SLC38A6: variants seen among roughly 807,000 people sequenced by gnomAD.
SLC38A6 encodes solute carrier family 38 member 6, also known as N system amino acid transporter NAT-1.
In SLC38A6, 73 loss-of-function variants were observed where a neutral mutation model predicts 65.0. The ratio of observed to expected loss-of-function variants is 1.12; its 90% CI spans 0.93 to 1.37. The LOEUF (loss-of-function observed/expected upper bound fraction) is 1.37, where lower values mean the gene tolerates loss of function less well. SLC38A6 is among the 40% of genes most tolerant of loss of function. The pLI, the probability that SLC38A6 is intolerant of heterozygous loss-of-function variation, is 0.00. For synonymous variants in SLC38A6, 183 were observed against 178.8 expected (o/e 1.02, Z -0.19); for missense variants, 561 against 531.1 (o/e 1.06, Z -0.55).
chr14:60,982,028 G>T (rs768546658), intron 1 of SLC38A6, among the ~76,000 whole-genome samples: 11 of 152,188 alleles, frequency 7.2e-5, no homozygotes, highest in Non-Finnish European at 1.6e-4. Flanking sequence ...GTCATTGCAA[G>T]ATATTCCTGA....
At chr14:61,050,701 T>C in intron 13 of SLC38A6, 65 bp downstream of exon 13, 1 of 1,320,188 alleles carries the variant, frequency 7.6e-7, no homozygotes, top group Non-Finnish European at 9.9e-7. Flanking sequence ...ACACTAATTC[T>C]TTGCAGAATA....
At chr14:61,054,922 A>G (rs1038751464), downstream of SLC38A6, among the ~76,000 whole-genome samples, 5 of 152,076 alleles carry the variant, frequency 3.3e-5, no homozygotes, top group Non-Finnish European at 5.9e-5. Flanking sequence ...GAGAGAGGGT[A>G]TCCTCGTCTT....
At chr14:61,016,863 CTAAT>C (rs2040043479) in intron 4 of SLC38A6, among the ~76,000 whole-genome samples, 1 of 152,006 alleles carries the variant, frequency 6.6e-6, no homozygotes, top group African/African-American at 2.4e-5. Context: ...CTAAATTGAC[CTAAT>C]TAATATTTGC....
chr14:61,071,559 A>G (rs2043226398), intron 15 of SLC38A6, among the ~76,000 whole-genome samples: 1 of 151,902 alleles, frequency 6.6e-6, no homozygotes, highest in Admixed American at 6.6e-5. Context: ...GCGTGTGGCC[A>G]TAGTCCGAGC....
intron 6 of SLC38A6, among the ~76,000 whole-genome samples, chr14:61,031,517 A>G (rs148653619): frequency 6.6e-6 from 1 of 152,246 alleles, no homozygotes; most frequent in Non-Finnish European, 1.5e-5. Flanking sequence ...AAAAAAAGAC[A>G]AGTAGAAGTC....
chr14:61,005,440 C>T (rs1212344403), intron 3 of SLC38A6, among the ~76,000 whole-genome samples: 2 of 144,544 alleles, frequency 1.4e-5, no homozygotes, highest in Admixed American at 1.4e-4. Context: ...ACCCCATTGT[C>T]TCAGCCCAAA....
chr14:61,018,702 T>G (rs1197512617), intron 4 of SLC38A6, among the ~76,000 whole-genome samples: 1 of 152,194 alleles, frequency 6.6e-6, no homozygotes, highest in East Asian at 1.9e-4. Context: ...CCCAGGAATC[T>G]CATCAAAGAT....
rs1355232419 is a variant in SLC38A6, at chr14:60,981,393, T to C, written c.105+11T>C. 2 of 1,580,846 alleles carry C rather than the reference T, an allele frequency of 1.3e-6. No individual in the cohort carries two copies. Among genetic ancestry groups the C allele is most frequent in the Admixed American group, 1.8e-5 (1 of 54,614 alleles). ...CCGTTGCTAAGCAACGTAAGTGGGC[T>C]GTGTTCGCTTCCCCGCGCTGACGCC... On this transcript the variant is annotated intron_variant, in intron 1 of 15. Transcript: ENST00000267488.
rs906980651 is a variant in SLC38A6 at position 61,011,825 on chromosome 14, A to T, written c.311-4079A>T. Among the ~76,000 whole-genome samples, 188 of 152,126 alleles carry T rather than the reference A, an allele frequency of 1.2e-3. 6 individuals carry two copies. Among genetic ancestry groups the T allele is most frequent in the Non-Finnish European group, 2.9e-4 (20 of 68,044 alleles). ...ATTTTTGCATCGATGTTCATCAGGG[A>T]TATTGGTCTAAAATTCTCTTTTTTT... On this transcript the variant is annotated intron_variant, in intron 3 of 15. Coordinates refer to ENST00000267488, the MANE Select transcript of SLC38A6 (RefSeq NM_153811.3).
At chr14:61,082,984 C>A (rs77502493) in intron 16 of SLC38A6, among the ~76,000 whole-genome samples, 1 of 152,336 alleles carries the variant, frequency 6.6e-6, no homozygotes, top group East Asian at 1.9e-4. Flanking sequence ...ATTGAAAAAA[C>A]CAGGCAATCA....
chr14:61,050,745 T>C (rs2042462032), intron 13 of SLC38A6, 109 bp downstream of exon 13: 1 of 1,025,380 alleles, frequency 9.8e-7, no homozygotes, highest in South Asian at 3.9e-5. Context: ...TTGTATATCT[T>C]ATTCACTTGT....
intron 15 of SLC38A6, among the ~76,000 whole-genome samples, chr14:61,078,409 T>G (rs2043505675): frequency 6.6e-6 from 1 of 152,100 alleles, no homozygotes; most frequent in Admixed American, 6.6e-5. Flanking sequence ...AAGTAAAAAT[T>G]TTGCCAGGAG....
At chr14:61,038,312 G>A (rs1047097570) in intron 8 of SLC38A6, among the ~76,000 whole-genome samples, 1 of 151,728 alleles carries the variant, frequency 6.6e-6, no homozygotes, top group Non-Finnish European at 1.5e-5. Flanking sequence ...ATAAAGATAA[G>A]AATTTAAATT....
intron 5 of SLC38A6, 117 bp from the exon 6 acceptor site, chr14:61,030,328 G>A (rs1488572858): frequency 3.4e-6 from 2 of 583,290 alleles, no homozygotes; most frequent in Admixed American, 3.1e-5. Flanking sequence ...TGTGTTATAT[G>A]TTAATCTTCC....
chr14:60,984,045 A>G (rs568773414), intron 2 of SLC38A6, among the ~76,000 whole-genome samples: 1 of 152,316 alleles, frequency 6.6e-6, no homozygotes, highest in East Asian at 1.9e-4. Context: ...GGATAGCTGT[A>G]TAGAAGCTTG....
intron 15 of SLC38A6, among the ~76,000 whole-genome samples, chr14:61,075,888 T>G (rs529494505): frequency 1.2e-4 from 18 of 151,684 alleles, no homozygotes; most frequent in Non-Finnish European, 1.2e-4. Flanking sequence ...GGAGTTTCAC[T>G]TTTTTTGCCC....
intron 15 of SLC38A6, among the ~76,000 whole-genome samples, chr14:61,065,939 A>C (rs2043005280): frequency 6.6e-6 from 1 of 152,166 alleles, no homozygotes; most frequent in Non-Finnish European, 1.5e-5. Context: ...ATACAGAGAG[A>C]AAATAGATGC....
At chr14:60,998,348 A>G (rs1420597894) in intron 3 of SLC38A6, among the ~76,000 whole-genome samples, 2 of 152,078 alleles carry the variant, frequency 1.3e-5, no homozygotes, top group Non-Finnish European at 2.9e-5. Context: ...AGACAAACAG[A>G]GGAGCAGAAG....
chr14:61,011,667 T>C (rs1306059929), intron 3 of SLC38A6, among the ~76,000 whole-genome samples: 3 of 152,244 alleles, frequency 2.0e-5, no homozygotes, highest in Non-Finnish European at 4.4e-5. Flanking sequence ...TGGCTCTGTT[T>C]ATATGCTGGA....
Sources: allele counts gnomAD v4.1 joint callset (sites outside exome capture counted in the v4.1 genomes callset), GRCh38; gene constraint gnomAD v4.1.1; transcripts MANE v1.5; gene names NCBI Gene and HGNC (gene_info 2026-07-23, HGNC 2026-07-21).